The following ROR1 variants were observed in gnomAD, a reference collection of about 807,000 sequenced individuals.
ROR1 encodes ROR family WNT receptor 1.
Under a neutral mutation model 78.8 loss-of-function variants are expected in ROR1, and 19 were observed. The ratio of observed to expected loss-of-function variants is 0.24; its 90% CI spans 0.17 to 0.35. The LOEUF (loss-of-function observed/expected upper bound fraction) is 0.35. Among genes scored for constraint, ROR1 ranks in the 10% least tolerant of loss-of-function variants. The pLI is 1.00. For missense variants in ROR1, 917 were observed against 1,177.8 expected, an observed-to-expected ratio of 0.78 and a Z score of 3.24; for synonymous variants, 386 against 433.6, an observed-to-expected ratio of 0.89 and a Z score of 1.36.
chr1:64,005,726 G>A (rs1646422318), intron 1 of ROR1, among the ~76,000 whole-genome samples: 1 of 151,946 alleles, frequency 6.6e-6, no homozygotes, highest in Non-Finnish European at 1.5e-5. Context: ...CTTTGTGAGG[G>A]GAGATTATTA....
At chr1:63,826,023 A>G (rs1644951004) in intron 1 of ROR1, among the ~76,000 whole-genome samples, 2 of 152,212 alleles carry the variant, frequency 1.3e-5, no homozygotes, top group Admixed American at 6.5e-5. Flanking sequence ...AATAGAAAAC[A>G]TAGTAGTGGC....
chr1:63,937,451 C>A (rs1256434778), intron 1 of ROR1, among the ~76,000 whole-genome samples: 1 of 152,150 alleles, frequency 6.6e-6, no homozygotes, highest in Non-Finnish European at 1.5e-5. Flanking sequence ...TCTCTATTGC[C>A]CACTTTAGAG....
rs575508666 is a variant in ROR1, at chr1:63,939,481, A to G, written c.92-69824A>G. On this transcript the variant is annotated intron_variant, in intron 1 of 8. Coordinates refer to ENST00000371079, the MANE Select transcript of ROR1 (RefSeq NM_005012.4). ...AAACTTAAATAAATACTTTTGGAGA[A>G]CACATTCTACATTCTATTTTAATGA... 6.6e-5 allele frequency among the ~76,000 whole-genome samples: 10 copies of G among 152,336 alleles called. No individual in the cohort carries two copies. In the South Asian group the frequency reaches 1.9e-3, roughly 28 times the overall value.
At chr1:63,787,459 TTCC>T (rs1644695975) in intron 1 of ROR1, among the ~76,000 whole-genome samples, 1 of 135,502 alleles carries the variant, frequency 7.4e-6, no homozygotes, top group African/African-American at 3.2e-5. Context: ...CCTTCCTTCC[TTCC>T]TTCCTTCCTT....
At chr1:63,978,307 C>T (rs1646178632) in intron 1 of ROR1, among the ~76,000 whole-genome samples, 1 of 152,152 alleles carries the variant, frequency 6.6e-6, no homozygotes, top group South Asian at 2.1e-4. Context: ...TCTTCCTAGA[C>T]AATAATTTTC....
At chr1:63,972,022 A>G (rs1463338126) in intron 1 of ROR1, among the ~76,000 whole-genome samples, 2 of 152,056 alleles carry the variant, frequency 1.3e-5, no homozygotes, top group African/African-American at 4.8e-5. Flanking sequence ...TTCTCACCCT[A>G]TCTGAGTAAG....
chr1:64,033,335 G>T (rs1646676210), intron 2 of ROR1, among the ~76,000 whole-genome samples: 1 of 152,044 alleles, frequency 6.6e-6, no homozygotes, highest in Admixed American at 6.6e-5. Flanking sequence ...ACCAAAACTG[G>T]GAGAAAAGCA....
intron 1 of ROR1, among the ~76,000 whole-genome samples, chr1:63,837,442 T>C (rs967445301): frequency 1.3e-5 from 2 of 152,208 alleles, no homozygotes; most frequent in African/African-American, 4.8e-5. Context: ...CTCATTTCAT[T>C]AGACTGAACT....
At chr1:63,863,337 G>A (rs1363920873) in intron 1 of ROR1, among the ~76,000 whole-genome samples, 2 of 152,314 alleles carry the variant, frequency 1.3e-5, no homozygotes, top group East Asian at 3.9e-4. Context: ...GGGCTGTCAA[G>A]TCTAGTGAAA....
At position 64,178,680 on chromosome 1, in the gene ROR1, C is replaced by T; in HGVS notation, c.2639C>T (p.Ala880Val). 6.2e-7 allele frequency: 1 copy of T among 1,614,122 alleles called. No individual in the cohort carries two copies. The highest frequency in any genetic ancestry group is 1.1e-5 in the South Asian group (1 of 91,084). Residue 880 changes from alanine (A) to valine (V), a missense_variant, in exon 9 of 9, where the codon GCA becomes GTA. This residue lies in a region of ROR1 where 835 missense variants were observed against 1,069.8 expected (regional missense o/e 0.78). Transcript: ENST00000371079. The surrounding 1 kb of genome is among the most constrained non-coding windows in gnomAD (Gnocchi z 4.3). ...CCCTCATCAGGATCCAATCAGGAAG[C>T]AAATATTCCTTTACTACCACACATG... ...SLPSSGSNQE[A>V]NIPLLPHMSI...
At chr1:64,114,655 G>A (rs1259205179) in intron 4 of ROR1, among the ~76,000 whole-genome samples, 1 of 152,038 alleles carries the variant, frequency 6.6e-6, no homozygotes, top group Non-Finnish European at 1.5e-5. Context: ...TAACAAACCC[G>A]GCACATTGCC....
Position 64,137,431 on chromosome 1 carries a change from T to C in ROR1, c.545T>C (p.Ile182Thr), listed in dbSNP as rs1441887932. ...AGAGGGATTGCATGTGCAAGATTTA[T>C]TGGCAACCGCACCGTCTATATGGAG... is the stretch of plus-strand genomic sequence containing the variant. ...PYRGIACARF[I>T]GNRTVYMESL... The change falls in exon 5 of 9, where the codon ATT becomes ACT. Residue 182 changes from isoleucine (I) to threonine (T), a missense_variant. Ile to Thr is a moderately conservative substitution (Grantham distance 89, BLOSUM62 -1). Around this residue, in one of 3 missense-constraint regions of ROR1, gnomAD observed 835 missense variants for 1,069.8 expected, o/e 0.78. Coordinates refer to ENST00000371079, the MANE Select transcript of ROR1 (RefSeq NM_005012.4). 1.2e-6 allele frequency: 2 copies of C among 1,614,036 alleles called. No homozygotes were observed. The highest frequency in any genetic ancestry group is 3.3e-5 in the Admixed American group (2 of 60,028).
chr1:63,821,887 G>A (rs1644925868), intron 1 of ROR1, among the ~76,000 whole-genome samples: 1 of 152,162 alleles, frequency 6.6e-6, no homozygotes, highest in African/African-American at 2.4e-5. Context: ...AAGTGGCTGG[G>A]GAGTGAGTCA....
chr1:63,917,721 G>A (rs1018892106), intron 1 of ROR1, among the ~76,000 whole-genome samples: 1 of 152,214 alleles, frequency 6.6e-6, no homozygotes, highest in Non-Finnish European at 1.5e-5. Context: ...TGCAGACCAC[G>A]TGGGGAGAGC....
intron 1 of ROR1, among the ~76,000 whole-genome samples, chr1:63,991,920 T>A (rs1198442727): frequency 6.6e-6 from 1 of 152,212 alleles, no homozygotes; most frequent in African/African-American, 2.4e-5. Flanking sequence ...ACCACTCACA[T>A]TTCATGATTC....
intron 1 of ROR1, among the ~76,000 whole-genome samples, chr1:63,804,313 G>A (rs1644815486): frequency 6.6e-6 from 1 of 152,174 alleles, no homozygotes; most frequent in Admixed American, 6.5e-5. Flanking sequence ...TCCAATCTGA[G>A]TAAGGCCTAT....
rs1195145804 is a variant in ROR1 at position 63,837,760 on chromosome 1, G to A, written c.91+63252G>A. On this transcript the variant is annotated intron_variant, in intron 1 of 8. Transcript: ENST00000371079. ...CAGTTGAGCCCAGGAGGTTGAGGCTGCAGTGAACCGTGATTGTGCCACTGC... is the reference window on the plus strand; with the variant it reads ...CAGTTGAGCCCAGGAGGTTGAGGCTACAGTGAACCGTGATTGTGCCACTGC... 3.3e-5 allele frequency among the ~76,000 whole-genome samples: 5 copies of A among 152,188 alleles called. 1 individual carries two copies. The highest frequency in any genetic ancestry group is 7.3e-5 in the Non-Finnish European group (5 of 68,036).
intron 1 of ROR1, among the ~76,000 whole-genome samples, chr1:63,917,619 T>C (rs1224020000): frequency 6.6e-6 from 1 of 152,218 alleles, no homozygotes; most frequent in African/African-American, 2.4e-5. Flanking sequence ...TCATTTTTGC[T>C]TCTCAATCAG....
chr1:64,083,612 C>T (rs1250021669), intron 4 of ROR1, among the ~76,000 whole-genome samples: 1 of 143,058 alleles, frequency 7.0e-6, no homozygotes, highest in Non-Finnish European at 1.5e-5. Flanking sequence ...AAAAAAACAA[C>T]CATTGTAGAA....
Sources: gnomAD v4.1 joint callset for allele counts (sites outside exome capture counted in the v4.1 genomes callset) on GRCh38, gnomAD v4.1.1 for gene constraint, gnomAD v4.1.1 regional missense constraint, Gnocchi (gnomAD v3.1) non-coding constraint, MANE v1.5 for transcripts, NCBI Gene and HGNC (gene_info 2026-07-23, HGNC 2026-07-21) for gene names.